Variants in DNMBP observed in about 807,000 individuals in gnomAD.
DNMBP encodes the protein dynamin binding protein.
A neutral mutation model predicts 150.0 loss-of-function variants in DNMBP; 87 were observed. That is an observed-to-expected ratio of 0.58 (90% confidence interval 0.49 to 0.69). The LOEUF (loss-of-function observed/expected upper bound fraction) is 0.69. Among genes scored for constraint, DNMBP ranks in the 30% least tolerant of loss-of-function variants. The probability of loss-of-function intolerance (pLI) is 0.00; values close to 1 mark genes in which losing one functional copy is unlikely to be tolerated. For missense variants in DNMBP, 1,774 were observed against 1,949.0 expected (o/e 0.91, Z 1.69); for synonymous variants, 711 against 750.4 (o/e 0.95, Z 0.86).
At chr10:99,995,516 A>C (rs1829164741) in intron 1 of DNMBP, among the ~76,000 whole-genome samples, 1 of 152,148 alleles carries the variant, frequency 6.6e-6, no homozygotes, top group African/African-American at 2.4e-5. Flanking sequence ...TACCTACCAT[A>C]TACACTAAGC....
At chr10:99,891,246 C>T (rs909744642) in intron 11 of DNMBP, among the ~76,000 whole-genome samples, 1 of 146,736 alleles carries the variant, frequency 6.8e-6, no homozygotes, top group South Asian at 2.3e-4. Context: ...CAAAGCTGGA[C>T]TGTACTGCTG....
At chr10:99,967,042 T>C (rs562357495) in intron 3 of DNMBP, among the ~76,000 whole-genome samples, 8 of 151,646 alleles carry the variant, frequency 5.3e-5, no homozygotes, top group Admixed American at 4.6e-4. Flanking sequence ...AGGGATACTC[T>C]TGCCTTTGGC....
rs537806665 is a variant in DNMBP at position 99,995,594 on chromosome 10, C to G, written c.-11+14244G>C. Among the ~76,000 whole-genome samples the G allele has an allele frequency of 1.3e-3, 194 of 152,260 alleles. 4 individuals carry two copies. The South Asian group carries it at 0.033, about 26-fold the overall frequency. ...ACATCCAATTTTGTTTAAGTCATGA[C>G]CAAACAGGCTTGTTGGGGGCATTTC... On this transcript the variant is annotated intron_variant, in intron 1 of 16. Transcript: ENST00000324109.
At chr10:99,887,512 G>A (rs1217475587) in intron 12 of DNMBP, among the ~76,000 whole-genome samples, 1 of 152,026 alleles carries the variant, frequency 6.6e-6, no homozygotes, top group Non-Finnish European at 1.5e-5. Context: ...GGGTGACAGA[G>A]TGAGACTCCA....
intron 7 of DNMBP, 57 bp downstream of exon 7, chr10:99,899,862 G>A (rs566554159): frequency 1.3e-6 from 2 of 1,578,484 alleles, no homozygotes; most frequent in African/African-American, 2.7e-5. Context: ...CATATACACA[G>A]GTATAACTTA....
intron 15 of DNMBP, among the ~76,000 whole-genome samples, 165 bp from the exon 16 acceptor site, chr10:99,880,526 G>T (rs917562056): frequency 6.6e-6 from 1 of 152,178 alleles, no homozygotes; most frequent in Middle Eastern, 3.2e-3. Flanking sequence ...AAAATAAAAT[G>T]CCTAGTGACA....
At chr10:99,879,017 G>T (rs1383774132) in intron 16 of DNMBP, among the ~76,000 whole-genome samples, 1 of 144,918 alleles carries the variant, frequency 6.9e-6, no homozygotes, top group Admixed American at 7.1e-5. Context: ...CCTGGGAGGC[G>T]GAGGTTGCAG....
intron 16 of DNMBP, among the ~76,000 whole-genome samples, chr10:99,877,745 T>C (rs546437101): frequency 5.9e-5 from 9 of 152,168 alleles, no homozygotes; most frequent in African/African-American, 2.2e-4. Flanking sequence ...ACACTTCTAA[T>C]CCCAGCTACT....
chr10:99,931,743 C>A (rs2040160709), intron 4 of DNMBP, among the ~76,000 whole-genome samples: 3 of 152,274 alleles, frequency 2.0e-5, no homozygotes, highest in Admixed American at 1.3e-4. Context: ...CAGAAAAAGA[C>A]AAACAAATTA....
intron 1 of DNMBP, among the ~76,000 whole-genome samples, chr10:100,009,061 A>C (rs2041106157): frequency 6.6e-6 from 1 of 152,252 alleles, no homozygotes; most frequent in Non-Finnish European, 1.5e-5. Flanking sequence ...CAAGTTACCC[A>C]TATTCCAGAA....
At chr10:99,902,496 G>A (rs74910427) in intron 6 of DNMBP, among the ~76,000 whole-genome samples, 2,028 of 149,184 alleles carry the variant, frequency 0.014, 21 homozygotes, top group Non-Finnish European at 0.022. Context: ...TTTTAGTAGA[G>A]ACAGGGTTAC....
chr10:99,880,629 TCA>T (rs2039352583), intron 15 of DNMBP, among the ~76,000 whole-genome samples: 1 of 152,094 alleles, frequency 6.6e-6, no homozygotes, highest in African/African-American at 2.4e-5. Flanking sequence ...GTTCACAACC[TCA>T]CAACAGATGC....
chr10:99,905,788 T>G (rs965273810), intron 6 of DNMBP, among the ~76,000 whole-genome samples: 3 of 152,152 alleles, frequency 2.0e-5, no homozygotes, highest in African/African-American at 4.8e-5. Context: ...CTGGGCAATA[T>G]AGTGAGACTC....
intron 9 of DNMBP, among the ~76,000 whole-genome samples, chr10:99,897,174 C>T (rs1467733815): frequency 6.6e-6 from 1 of 152,170 alleles, no homozygotes; most frequent in Non-Finnish European, 1.5e-5. Context: ...GAGCTCAGCA[C>T]AGTCACTGTG....
chr10:99,926,233 C>T (rs945965372), intron 4 of DNMBP, among the ~76,000 whole-genome samples: 2 of 152,112 alleles, frequency 1.3e-5, no homozygotes, highest in Admixed American at 6.6e-5. Context: ...TACTAATCTC[C>T]CTACTTATAA....
At chr10:99,974,331 G>A (rs561300802) in intron 1 of DNMBP, among the ~76,000 whole-genome samples, 15 of 152,262 alleles carry the variant, frequency 9.9e-5, no homozygotes, top group Middle Eastern at 3.4e-3. Flanking sequence ...CCATTACCTT[G>A]ATGCATGTGG....
rs1485974449 is a variant in DNMBP, at chr10:99,896,394, A to C, written c.2924T>G (p.Leu975Arg). The C allele has an allele frequency of 9.9e-6, 16 of 1,614,178 alleles. No individual in the cohort carries two copies. Among genetic ancestry groups the C allele is most frequent in the Non-Finnish European group, 1.4e-5 (16 of 1,180,018 alleles). Reference protein sequence around the residue: ...NEYKRRKDLVLKYRKGDEDSL... With the variant: ...NEYKRRKDLVRKYRKGDEDSL... ...ATCTTCATCACCCTTACGGTACTTGAGGACTAGGGAGTAAGTCAGAAAAGC... is the reference window on the plus strand; with the variant it reads ...ATCTTCATCACCCTTACGGTACTTGCGGACTAGGGAGTAAGTCAGAAAAGC... Residue 975 changes from leucine to arginine, a missense_variant, in exon 10 of 17, where the codon CTC becomes CGC. Physicochemically the swap from Leu to Arg is moderately radical, Grantham distance 102. Transcript: ENST00000324109.
chr10:99,908,381 C>T (rs2039852923), intron 5 of DNMBP, among the ~76,000 whole-genome samples: 2 of 152,258 alleles, frequency 1.3e-5, no homozygotes, highest in Non-Finnish European at 2.9e-5. Flanking sequence ...CCGCAACCAA[C>T]ATCCCGTAGC....
chr10:100,004,485 T>G (rs2041047650), intron 1 of DNMBP, among the ~76,000 whole-genome samples: 1 of 152,082 alleles, frequency 6.6e-6, no homozygotes, highest in Non-Finnish European at 1.5e-5. Context: ...AAATAAATGC[T>G]TAGGGCCAGA....
Sources: allele counts gnomAD v4.1 joint callset (sites outside exome capture counted in the v4.1 genomes callset), GRCh38; gene constraint gnomAD v4.1.1; transcripts MANE v1.5; gene names NCBI Gene and HGNC (gene_info 2026-07-23, HGNC 2026-07-21).